Variants in KCNB2 observed in about 807,000 individuals in gnomAD.
The protein encoded by KCNB2 is delayed rectifier potassium channel protein.
KCNB2 carries 15 observed loss-of-function variants against 61.5 expected under a neutral mutation model. The observed-to-expected ratio is 0.24, with a 90% CI of 0.16 to 0.38. KCNB2 has a LOEUF of 0.38. Among genes scored for constraint, KCNB2 ranks in the 10% least tolerant of loss-of-function variants. KCNB2 has a pLI of 1.00. For synonymous variants in KCNB2, 457 were observed against 446.0 expected (o/e 1.02, Z -0.31); for missense variants, 828 against 1,125.2 (o/e 0.74, Z 3.78).
chr8:72,543,663 G>A (rs1010191119), intron 1 of KCNB2, among the ~76,000 whole-genome samples: 1 of 152,156 alleles, frequency 6.6e-6, no homozygotes, highest in African/African-American at 2.4e-5. Flanking sequence ...TAGGACTAGG[G>A]TCTAGTCACA....
chr8:72,793,265 A>G (rs1306870990), intron 2 of KCNB2, among the ~76,000 whole-genome samples: 1 of 152,240 alleles, frequency 6.6e-6, no homozygotes, highest in Non-Finnish European at 1.5e-5. Context: ...GAACCAGAAA[A>G]AAACTAGTGC....
At chr8:72,902,853 T>C (rs986755529) in intron 2 of KCNB2, among the ~76,000 whole-genome samples, 19 of 152,134 alleles carry the variant, frequency 1.2e-4, no homozygotes, top group African/African-American at 4.3e-4. Flanking sequence ...ATCTTATTTT[T>C]CCTCCATCTG....
At chr8:72,754,272 G>C (rs953187547) in intron 2 of KCNB2, among the ~76,000 whole-genome samples, 3 of 152,162 alleles carry the variant, frequency 2.0e-5, no homozygotes, top group African/African-American at 7.2e-5. Flanking sequence ...GCAGCCCAAA[G>C]CCTGGAAGGG....
chr8:72,829,983 CAAAA>C (rs11351226), intron 2 of KCNB2, among the ~76,000 whole-genome samples: 1 of 120,282 alleles, frequency 8.3e-6, no homozygotes, highest in Non-Finnish European at 1.8e-5. Flanking sequence ...GCTGCTGCTT[CAAAA>C]AAAAAAAAAA....
rs905506672 is a variant in KCNB2, at chr8:72,725,194, A to C, written c.579+156881A>C. On this transcript the variant is annotated intron_variant, in intron 2 of 2. Coordinates refer to ENST00000523207, the MANE Select transcript of KCNB2 (RefSeq NM_004770.3). ...GGCAAGAAATGCCAGATATTTTGAA[A>C]TTTTCATATCTTGATTGTACCTCAA... Among the ~76,000 whole-genome samples, 4 of 152,188 alleles carry C rather than the reference A, an allele frequency of 2.6e-5. No individual in the cohort carries two copies. In the East Asian group the frequency reaches 7.7e-4, roughly 29 times the overall value.
rs376051841 is a variant in KCNB2, at chr8:72,722,978, TA to T, written c.579+154668del. Among the ~76,000 whole-genome samples, 18 of 152,320 alleles carry T rather than the reference TA, an allele frequency of 1.2e-4. No individual in the cohort carries two copies. In the East Asian group the frequency reaches 2.5e-3, roughly 21 times the overall value. On this transcript the variant is annotated intron_variant, in intron 2 of 2. Coordinates refer to ENST00000523207, the MANE Select transcript of KCNB2 (RefSeq NM_004770.3). Reference sequence around the variant, plus strand: ...TTTTCTCACCAGTCACTTGAAAATTTAAACTGCCCAAAGTGCTGAGAAGAGC... The same window carrying T: ...TTTTCTCACCAGTCACTTGAAAATTTAACTGCCCAAAGTGCTGAGAAGAGC...
At chr8:72,539,360 A>C (rs1806159847) in intron 1 of KCNB2, among the ~76,000 whole-genome samples, 1 of 152,228 alleles carries the variant, frequency 6.6e-6, no homozygotes, top group Admixed American at 6.5e-5. Flanking sequence ...CTGAAGGAAA[A>C]GTATCCTTAT....
intron 2 of KCNB2, among the ~76,000 whole-genome samples, chr8:72,841,035 A>T (rs889388097): frequency 6.6e-6 from 1 of 152,140 alleles, no homozygotes; most frequent in Non-Finnish European, 1.5e-5. Flanking sequence ...TTATGGTTTC[A>T]GGTCTTACAT....
chr8:72,915,112 C>T (rs2929571), intron 2 of KCNB2, among the ~76,000 whole-genome samples: 89,639 of 151,750 alleles, frequency 0.59, 27,737 homozygotes, highest in Middle Eastern at 0.7. Flanking sequence ...TTCACCATGT[C>T]GGTCAGGCTG....
chr8:72,719,033 A>T (rs1344772050), intron 2 of KCNB2, among the ~76,000 whole-genome samples: 1 of 152,024 alleles, frequency 6.6e-6, no homozygotes, highest in Non-Finnish European at 1.5e-5. Context: ...TTTAGAAAAC[A>T]TCTGAAGAAA....
At chr8:72,773,243 C>T (rs992358850) in intron 2 of KCNB2, among the ~76,000 whole-genome samples, 2 of 152,140 alleles carry the variant, frequency 1.3e-5, no homozygotes, top group East Asian at 3.9e-4. Flanking sequence ...CTAAGCTGCA[C>T]GTCATGAAAA....
chr8:72,825,879 C>T (rs1809588304), intron 2 of KCNB2, among the ~76,000 whole-genome samples: 3 of 152,124 alleles, frequency 2.0e-5, no homozygotes, highest in South Asian at 4.1e-4. Context: ...TGTCCTTTGA[C>T]ACATAAGCTT....
rs950382059 is a variant in KCNB2, at chr8:72,603,064, A to C, written c.579+34751A>C. ...TTATCATCTTGAGTTGTACCTCTCA[A>C]ATTTAACCTCAGGACATCTCTTGCA... On this transcript the variant is annotated intron_variant, in intron 2 of 2. Coordinates refer to ENST00000523207, the MANE Select transcript of KCNB2 (RefSeq NM_004770.3). Among the ~76,000 whole-genome samples the C allele has an allele frequency of 1.5e-4, 23 of 152,252 alleles. 1 individual carries two copies. The South Asian group carries it at 4.6e-3, about 30-fold the overall frequency.
intron 2 of KCNB2, among the ~76,000 whole-genome samples, chr8:72,932,505 T>C (rs1479113749): frequency 6.6e-6 from 1 of 152,132 alleles, no homozygotes; most frequent in Non-Finnish European, 1.5e-5. Context: ...CTGGGGAGTT[T>C]CCTAAGACCC....
At chr8:72,756,458 C>T (rs1357283443) in intron 2 of KCNB2, among the ~76,000 whole-genome samples, 1 of 152,194 alleles carries the variant, frequency 6.6e-6, no homozygotes, top group Non-Finnish European at 1.5e-5. Flanking sequence ...ACCCATGGTT[C>T]TTGACCTTGG....
chr8:72,538,528 G>C (rs1323552857), intron 1 of KCNB2, among the ~76,000 whole-genome samples: 2 of 152,066 alleles, frequency 1.3e-5, no homozygotes, highest in Non-Finnish European at 2.9e-5. Flanking sequence ...GCATTTATGC[G>C]TATTCATTCA....
intron 2 of KCNB2, among the ~76,000 whole-genome samples, chr8:72,903,917 A>T (rs1025363602): frequency 6.6e-6 from 1 of 152,146 alleles, no homozygotes. Flanking sequence ...CCTTGACGAG[A>T]CTCCATGCTA....
At chr8:72,679,319 C>T (rs1336228147) in intron 2 of KCNB2, among the ~76,000 whole-genome samples, 1 of 152,166 alleles carries the variant, frequency 6.6e-6, no homozygotes, top group Non-Finnish European at 1.5e-5. Context: ...TCACATAAGG[C>T]AAGTATCAAC....
At chr8:72,884,584 C>T (rs1041854809) in intron 2 of KCNB2, among the ~76,000 whole-genome samples, 3 of 152,114 alleles carry the variant, frequency 2.0e-5, no homozygotes, top group African/African-American at 4.8e-5. Context: ...TTTCAAATTT[C>T]ACTTCTCACA....
Sources: gnomAD v4.1 joint callset for allele counts (sites outside exome capture counted in the v4.1 genomes callset) on GRCh38, gnomAD v4.1.1 for gene constraint, MANE v1.5 for transcripts, NCBI Gene and HGNC (gene_info 2026-07-23, HGNC 2026-07-21) for gene names.